Variants in WWOX observed in about 807,000 individuals in gnomAD.
The protein encoded by WWOX is WW domain containing oxidoreductase.
In WWOX, 69 loss-of-function variants were observed where a neutral mutation model predicts 46.2. The observed-to-expected ratio is 1.49, with a 90% CI of 1.23 to 1.82. The LOEUF (loss-of-function observed/expected upper bound fraction) is 1.82, where lower values mean the gene tolerates loss of function less well. Among genes scored for constraint, WWOX ranks in the 40% most tolerant of loss-of-function variants. The probability of loss-of-function intolerance (pLI) is 0.00; values close to 1 mark genes in which losing one functional copy is unlikely to be tolerated. For missense variants in WWOX, 919 were observed against 542.6 expected (o/e 1.69, Z -6.89); for synonymous variants, 359 against 202.6 (o/e 1.77, Z -6.56).
At chr16:78,485,851 C>G (rs915968519) in intron 8 of WWOX, among the ~76,000 whole-genome samples, 1 of 152,206 alleles carries the variant, frequency 6.6e-6, no homozygotes, top group African/African-American at 2.4e-5. Flanking sequence ...TTTTGCGAGC[C>G]TTATTCAGAA....
At chr16:78,765,372 C>T (rs569863418) in intron 8 of WWOX, among the ~76,000 whole-genome samples, 2 of 152,246 alleles carry the variant, frequency 1.3e-5, no homozygotes, top group South Asian at 2.1e-4. Flanking sequence ...GGTGAGAGGC[C>T]CTGAAATTTC....
rs144641262 is a variant in WWOX at position 78,864,965 on chromosome 16, G to T, written c.1057-346643G>T. 6.7e-3 allele frequency among the ~76,000 whole-genome samples: 1,023 copies of T among 151,840 alleles called. 7 individuals carry two copies. The highest frequency in any genetic ancestry group is 0.027 in the Middle Eastern group (8 of 292). ...TTTAGTAGAGTTGGGGTTTTACCAT[G>T]TTGGCCAGGCTGGTCTTGAACTCCT... On this transcript the variant is annotated intron_variant, in intron 8 of 8. Transcript: ENST00000566780.
At chr16:78,432,888 T>C in intron 8 of WWOX, 136 bp downstream of exon 8, 3 of 1,355,908 alleles carry the variant, frequency 2.2e-6, no homozygotes, top group Non-Finnish European at 2.1e-6. Flanking sequence ...CATAAAGGGC[T>C]CTTGAACACA....
At chr16:78,900,579 G>A (rs909644350) in intron 8 of WWOX, among the ~76,000 whole-genome samples, 2 of 152,056 alleles carry the variant, frequency 1.3e-5, no homozygotes, top group Admixed American at 6.6e-5. Flanking sequence ...CAGGTTATTT[G>A]TAACCAGTAC....
intron 8 of WWOX, among the ~76,000 whole-genome samples, chr16:78,821,684 G>C (rs2051498763): frequency 6.6e-6 from 1 of 152,192 alleles, no homozygotes; most frequent in Non-Finnish European, 1.5e-5. Flanking sequence ...GACAAAGACA[G>C]AGGCTCAGGG....
chr16:78,773,686 G>A (rs1228611390), intron 8 of WWOX, among the ~76,000 whole-genome samples: 1 of 152,192 alleles, frequency 6.6e-6, no homozygotes, highest in Non-Finnish European at 1.5e-5. Context: ...AATCACAGTG[G>A]TGTGTCTGGA....
chr16:78,252,604 C>A (rs977690106), intron 5 of WWOX, among the ~76,000 whole-genome samples: 1 of 152,174 alleles, frequency 6.6e-6, no homozygotes, highest in African/African-American at 2.4e-5. Context: ...CTTTATTTTT[C>A]CTTCTACTTA....
At chr16:79,174,761 T>C (rs1373908674) in intron 8 of WWOX, among the ~76,000 whole-genome samples, 4 of 152,334 alleles carry the variant, frequency 2.6e-5, no homozygotes, top group Non-Finnish European at 5.9e-5. Flanking sequence ...GCAGTACTCA[T>C]GGTTAATTTT....
chr16:78,436,977 TG>T (rs2083349085), intron 8 of WWOX, among the ~76,000 whole-genome samples: 1 of 152,224 alleles, frequency 6.6e-6, no homozygotes, highest in Non-Finnish European at 1.5e-5. Flanking sequence ...TAATTGTGAT[TG>T]AGAAGCTTAG....
At chr16:78,502,227 G>A (rs1463126013) in intron 8 of WWOX, among the ~76,000 whole-genome samples, 7 of 152,168 alleles carry the variant, frequency 4.6e-5, no homozygotes, top group Admixed American at 3.9e-4. Flanking sequence ...ATCTGCTTAA[G>A]GTGTACAATT....
chr16:78,551,344 G>A (rs2044168112), intron 8 of WWOX: 1 of 152,152 alleles, frequency 6.6e-6, no homozygotes, highest in Admixed American at 6.5e-5. Flanking sequence ...TCCCAAGAAA[G>A]GAGGATGTTG....
At chr16:78,315,396 C>A (rs532067786) in intron 5 of WWOX, among the ~76,000 whole-genome samples, 7 of 152,240 alleles carry the variant, frequency 4.6e-5, no homozygotes, top group Non-Finnish European at 8.8e-5. Context: ...AGCCTGTAAT[C>A]CCAGCACTTG....
At chr16:78,321,380 GCGTATATATATACGTATATATA>G (rs1274238083) in intron 5 of WWOX, among the ~76,000 whole-genome samples, 1,338 of 49,528 alleles carry the variant, frequency 0.027, 50 homozygotes, top group Non-Finnish European at 0.027. Context: ...ACGTATATAT[GCGTATATATATACGTATATATA>G]CGTATATATA....
chr16:78,423,059 T>A (rs1035856315), intron 6 of WWOX, among the ~76,000 whole-genome samples: 2 of 151,848 alleles, frequency 1.3e-5, no homozygotes, highest in African/African-American at 4.8e-5. Context: ...CTAACTTTTG[T>A]ATTTTTAGTA....
At chr16:78,744,326 T>C (rs760196446) in intron 8 of WWOX, among the ~76,000 whole-genome samples, 2 of 152,026 alleles carry the variant, frequency 1.3e-5, no homozygotes, top group Admixed American at 1.3e-4. Flanking sequence ...TGACGTTTCA[T>C]TTTTATTTGT....
At chr16:78,769,413 ATGT>A (rs1191261306) in intron 8 of WWOX, among the ~76,000 whole-genome samples, 1 of 152,050 alleles carries the variant, frequency 6.6e-6, no homozygotes, top group Non-Finnish European at 1.5e-5. Flanking sequence ...TGTCAAGCAC[ATGT>A]TGTAGCCATT....
intron 5 of WWOX, among the ~76,000 whole-genome samples, chr16:78,308,722 C>T (rs2080179172): frequency 6.6e-6 from 1 of 152,076 alleles, no homozygotes; most frequent in African/African-American, 2.4e-5. Flanking sequence ...ACCATTTATT[C>T]TCTCTGAGGC....
intron 8 of WWOX, among the ~76,000 whole-genome samples, chr16:79,163,009 G>A (rs1035762494): frequency 2.6e-5 from 4 of 152,242 alleles, no homozygotes; most frequent in East Asian, 3.8e-4. Flanking sequence ...TAGAGAAAGC[G>A]CCTTTCAACA....
intron 8 of WWOX, among the ~76,000 whole-genome samples, chr16:79,039,394 C>A (rs890537335): frequency 7.9e-5 from 12 of 152,124 alleles, no homozygotes; most frequent in African/African-American, 2.7e-4. Flanking sequence ...CCCCCTTCCC[C>A]CATAGGAAGT....
Sources: gnomAD v4.1 joint callset for allele counts (sites outside exome capture counted in the v4.1 genomes callset) on GRCh38, gnomAD v4.1.1 for gene constraint, MANE v1.5 for transcripts, NCBI Gene and HGNC (gene_info 2026-07-23, HGNC 2026-07-21) for gene names.